Variants in TATDN2 observed in about 807,000 individuals in gnomAD.
The protein encoded by TATDN2 is TatD DNase domain containing 2.
A neutral mutation model predicts 60.3 loss-of-function variants in TATDN2; 44 were observed. That is an observed-to-expected ratio of 0.73 (90% CI 0.57 to 0.94). TATDN2 has a LOEUF of 0.94. Among genes scored for constraint, TATDN2 ranks in the 40% least tolerant of loss-of-function variants. The pLI is 0.00. For synonymous variants in TATDN2, 399 were observed against 355.8 expected (o/e 1.12, Z -1.37); for missense variants, 997 against 948.0 (o/e 1.05, Z -0.68).
chr3:10,249,752 C>T lies in TATDN2; in HGVS notation c.414+138C>T, dbSNP rs936888340. 7 of 1,044,942 alleles carry T rather than the reference C, an allele frequency of 6.7e-6. No individual in the cohort carries two copies. In the African/African-American group the frequency reaches 8.4e-5, roughly 12 times the overall value. The allele number at this position is 1,044,942 out of a possible 1,614,324, so 64.7% of individuals were successfully genotyped here. On this transcript the variant is annotated intron_variant, in intron 2 of 7. Coordinates refer to ENST00000448281, the MANE Select transcript of TATDN2 (RefSeq NM_014760.4). ...TGGAAGGTCTTTCTAGAAGTCCACT[C>T]CCCCCAAACTCGAAGACCTAGCAGT... is the stretch of plus-strand genomic sequence containing the variant.
chr3:10,273,831 A>G (rs571309261), intron 4 of TATDN2, among the ~76,000 whole-genome samples: 19 of 152,352 alleles, frequency 1.2e-4, no homozygotes, highest in South Asian at 6.2e-4. Context: ...CAGATTAACT[A>G]TGTAACTCAT....
In TATDN2 at chr3:10,260,546, T is replaced by A. The variant is rs1470296612; in HGVS notation, c.824T>A (p.Val275Glu). The stretch of plus-strand genomic sequence containing the variant: ...AGGAGCAGCTTCTATGACAGGAGAG[T>A]AGTTATAGACCCTCAAGAGAAACCC... The part of the protein sequence containing the change: ...PERSSFYDRR[V>E]VIDPQEKPSE... Residue 275 changes from valine to glutamate, a missense_variant, in exon 3 of 8, where the codon GTA becomes GAA. Val to Glu is a moderately radical substitution (Grantham distance 121). Transcript: ENST00000448281. 19 of 1,613,310 alleles carry A rather than the reference T, an allele frequency of 1.2e-5. No homozygotes were observed. The highest frequency in any genetic ancestry group is 1.5e-5 in the Non-Finnish European group (18 of 1,179,824).
chr3:10,253,301 T>G (rs1698258133), intron 2 of TATDN2, among the ~76,000 whole-genome samples: 1 of 152,200 alleles, frequency 6.6e-6, no homozygotes, highest in South Asian at 2.1e-4. Flanking sequence ...GTGCCTGGCC[T>G]TGCTCTGTAA....
Position 10,280,504 on chromosome 3 carries a change from A to G in TATDN2, c.*1322A>G, listed in dbSNP as rs763356200. 4 of 153,804 alleles carry G rather than the reference A, an allele frequency of 2.6e-5. No individual in the cohort carries two copies. The highest frequency in any genetic ancestry group is 4.8e-5 in the African/African-American group (2 of 41,464). The allele number at this position is 153,804 out of a possible 1,614,324, so 9.5% of individuals were successfully genotyped here. A position where few individuals can be genotyped will look rare whatever the true frequency, so the allele number is the denominator to read the frequency against. On this transcript the variant is annotated 3_prime_UTR_variant, in exon 8 of 8. Coordinates refer to ENST00000448281, the MANE Select transcript of TATDN2 (RefSeq NM_014760.4). ...CCCTGATCTGCAGTGAGGTGGATAG[A>G]TCACCTGGAGTCCCTCGTCTGTGGT...
rs1698677235 is a variant in TATDN2 at position 10,278,837 on chromosome 3, CTG to C, written c.2146-45_2146-44del. 6.2e-7 allele frequency: 1 copy of C among 1,613,550 alleles called. No homozygotes were observed. The highest frequency in any genetic ancestry group is 1.1e-5 in the South Asian group (1 of 91,058). On this transcript the variant is annotated intron_variant, in intron 6 of 7. Transcript: ENST00000448281. This position sits in a 1 kb window ranked among gnomAD's most constrained non-coding sequence, Gnocchi z 4.7. ...ACAGGGAGGGAGTTCTAGATTATGA[CTG>C]TGCACACATGGCACAATGATGTTAT...
rs922941408 is a variant in TATDN2, at chr3:10,280,830, A to G, written c.*1648A>G. 6.5e-6 allele frequency: 1 copy of G among 153,820 alleles called. No individual in the cohort carries two copies. The highest frequency in any genetic ancestry group is 2.4e-5 in the African/African-American group (1 of 41,458). 9.5% of individuals were successfully genotyped at this position (153,820 alleles called of 1,614,324 possible). ...ACTTGGGGGACTGCCGAGCATATCA[A>G]AGTGTTTATAGTCACCAAGTGAACT... On this transcript the variant is annotated 3_prime_UTR_variant, in exon 8 of 8. Coordinates refer to ENST00000448281, the MANE Select transcript of TATDN2 (RefSeq NM_014760.4).
At chr3:10,279,111 T>C (rs578121883) in intron 7 of TATDN2, 48 bp downstream of exon 7, 289 of 1,489,850 alleles carry the variant, frequency 1.9e-4, no homozygotes, top group Admixed American at 5.9e-4. Context: ...GACAAGTCTT[T>C]TGTTGCATTT....
At position 10,255,759 on chromosome 3, in the gene TATDN2, T is replaced by A. The variant is rs550690238; in HGVS notation, c.415-4378T>A. On this transcript the variant is annotated intron_variant, in intron 2 of 7. Coordinates refer to ENST00000448281, the MANE Select transcript of TATDN2 (RefSeq NM_014760.4). ...GAGTTTAAAACCAGCTTGGCCAACATGGAGAAACCTCGTCTCTACCAAAAA... is the reference window on the plus strand; with the variant it reads ...GAGTTTAAAACCAGCTTGGCCAACAAGGAGAAACCTCGTCTCTACCAAAAA... Among the ~76,000 whole-genome samples, 8 of 152,272 alleles carry A rather than the reference T, an allele frequency of 5.3e-5. No individual in the cohort carries two copies. The South Asian group carries it at 1.7e-3, about 32-fold the overall frequency.
chr3:10,274,224 CCTT>C lies in TATDN2; in HGVS notation c.1834-2133_1834-2131del, dbSNP rs1412538189. Reference sequence around the variant, plus strand: ...TCCTGCATTCTAATGAGTTCTTCTTCCTTCTTAACATTTTTGAAATCTGGATGT... The same window carrying C: ...TCCTGCATTCTAATGAGTTCTTCTTCCTTAACATTTTTGAAATCTGGATGT... On this transcript the variant is annotated intron_variant, in intron 4 of 7. Transcript: ENST00000448281. Among the ~76,000 whole-genome samples the C allele has an allele frequency of 3.3e-5, 5 of 152,228 alleles. No homozygotes were observed. In the South Asian group the frequency reaches 8.3e-4, roughly 25 times the overall value.
At chr3:10,272,499 C>T (rs1217876639) in intron 4 of TATDN2, among the ~76,000 whole-genome samples, 1 of 150,254 alleles carries the variant, frequency 6.7e-6, no homozygotes, top group Non-Finnish European at 1.5e-5. Context: ...AGTGCAATCG[C>T]ATGATATTGG....
At chr3:10,268,847 C>T (rs1037436032) in intron 3 of TATDN2, among the ~76,000 whole-genome samples, 6 of 152,132 alleles carry the variant, frequency 3.9e-5, no homozygotes, top group African/African-American at 7.2e-5. Context: ...GATCTCGTGG[C>T]GCTTACCTTC....
chr3:10,270,112 T>C lies in TATDN2; in HGVS notation c.949-19T>C. 2 of 1,596,818 alleles carry C rather than the reference T, an allele frequency of 1.3e-6. No individual in the cohort carries two copies. The highest frequency in any genetic ancestry group is 1.7e-6 in the Non-Finnish European group (2 of 1,172,094). ...ACATCGGAAGGCTAACCCACTGTTG[T>C]ATGCCTTCTTTTCTGCAGCATAAAG... On this transcript the variant is annotated intron_variant, in intron 3 of 7. Transcript: ENST00000448281.
chr3:10,249,866 T>G (rs1416820911), intron 2 of TATDN2, among the ~76,000 whole-genome samples: 1 of 152,172 alleles, frequency 6.6e-6, no homozygotes, highest in Non-Finnish European at 1.5e-5. Context: ...TTAAAATACT[T>G]GGGCCTGCCT....
At chr3:10,273,658 C>A in intron 4 of TATDN2, among the ~76,000 whole-genome samples, 1 of 151,424 alleles carries the variant, frequency 6.6e-6, no homozygotes, top group Non-Finnish European at 1.5e-5. Flanking sequence ...GGTGACAGAC[C>A]CTGCTCATTA....
chr3:10,267,767 C>T (rs1698499464), intron 3 of TATDN2, among the ~76,000 whole-genome samples: 1 of 152,144 alleles, frequency 6.6e-6, no homozygotes. Flanking sequence ...AATGTGACCA[C>T]CTCCAATTAT....
intron 3 of TATDN2, among the ~76,000 whole-genome samples, chr3:10,261,209 G>C (rs954269668): frequency 2.6e-5 from 4 of 152,198 alleles, no homozygotes; most frequent in Non-Finnish European, 1.5e-5. Flanking sequence ...GGGAAACCCG[G>C]CTGACACCTG....
At position 10,278,846 on chromosome 3, in the gene TATDN2, C is replaced by CATGGCACA. The variant is rs1698677394; in HGVS notation, c.2146-35_2146-28dup. On this transcript the variant is annotated intron_variant, in intron 6 of 7. Transcript: ENST00000448281. The surrounding 1 kb of genome is among the most constrained non-coding windows in gnomAD (Gnocchi z 4.7). ...GAGTTCTAGATTATGACTGTGCACA[C>CATGGCACA]ATGGCACAATGATGTTATGACCACT... is the stretch of plus-strand genomic sequence containing the variant. 6.2e-7 allele frequency: 1 copy of CATGGCACA among 1,613,724 alleles called. No individual in the cohort carries two copies. The highest frequency in any genetic ancestry group is 1.7e-5 in the Admixed American group (1 of 59,946).
intron 4 of TATDN2, among the ~76,000 whole-genome samples, chr3:10,275,652 A>G (rs1698624647): frequency 1.3e-5 from 2 of 152,182 alleles, no homozygotes; most frequent in South Asian, 4.1e-4. Context: ...AGGCTGAGGC[A>G]GGAGAATCGC....
intron 2 of TATDN2, among the ~76,000 whole-genome samples, chr3:10,258,540 G>T (rs1471596904): frequency 6.7e-6 from 1 of 150,344 alleles, no homozygotes; most frequent in Non-Finnish European, 1.5e-5. Flanking sequence ...GCACGATCTT[G>T]CCTCACTGCA....
Sources: allele counts gnomAD v4.1 joint callset (sites outside exome capture counted in the v4.1 genomes callset), GRCh38; gene constraint gnomAD v4.1.1; non-coding constraint Gnocchi (gnomAD v3.1); transcripts MANE v1.5; gene names NCBI Gene and HGNC (gene_info 2026-07-23, HGNC 2026-07-21).